Variants in ACACB observed in about 807,000 individuals in gnomAD.
ACACB encodes acetyl-CoA carboxylase 2.
In ACACB, 209 loss-of-function variants were observed where a neutral mutation model predicts 278.8. The ratio of observed to expected loss-of-function variants is 0.75; its 90% CI spans 0.67 to 0.84. The LOEUF (loss-of-function observed/expected upper bound fraction) is 0.84, where lower values mean the gene tolerates loss of function less well. ACACB is among the 40% of genes least tolerant of loss of function. ACACB has a pLI of 0.00. For missense variants in ACACB, 2,850 were observed against 3,269.0 expected, an observed-to-expected ratio of 0.87 and a Z score of 3.13; for synonymous variants, 1,174 against 1,285.6, an observed-to-expected ratio of 0.91 and a Z score of 1.86.
chr12:109,160,537 T>C (rs2043690557), intron 2 of ACACB, among the ~76,000 whole-genome samples: 1 of 152,214 alleles, frequency 6.6e-6, no homozygotes, highest in Non-Finnish European at 1.5e-5. Context: ...ACACCTCTGC[T>C]GTTGATTGTA....
At chr12:109,217,069 G>T in intron 24 of ACACB, 149 bp downstream of exon 24, 1 of 1,092,490 alleles carries the variant, frequency 9.2e-7, no homozygotes, top group Non-Finnish European at 1.3e-6. Flanking sequence ...ATCACTTGAG[G>T]TTAGGAGTTT....
intron 11 of ACACB, among the ~76,000 whole-genome samples, chr12:109,180,689 G>T (rs887996817): frequency 1.3e-5 from 2 of 152,082 alleles, no homozygotes; most frequent in Non-Finnish European, 2.9e-5. Flanking sequence ...CCAGGCTGGA[G>T]TGCAGTGGCG....
rs756522714 is a variant in ACACB at position 109,209,351 on chromosome 12, C to T, written c.3247C>T (p.Gln1083Ter). The change falls in exon 21 of 53, where the codon CAG (glutamine) becomes TAG (stop). Residue 1083 changes from glutamine (Q) to a stop codon, truncating the protein, a stop_gained and splice_region_variant. Coordinates refer to ENST00000338432, the MANE Select transcript of ACACB (RefSeq NM_001093.4). LOFTEE classifies it high-confidence loss of function. ...GGTGCTGTGCCAGTTCCCCAGCCAG[C>T]AGGTGCGTGCTCCCCTGCCCAGCCC... ...TSVLCQFPSQ[Q>*]IATILDCHAA... The T allele has an allele frequency of 1.2e-6, 2 of 1,608,156 alleles. No homozygotes were observed. The highest frequency in any genetic ancestry group is 1.7e-6 in the Non-Finnish European group (2 of 1,177,458).
intron 48 of ACACB, among the ~76,000 whole-genome samples, chr12:109,261,811 T>C (rs9788220): frequency 0.82 from 123,434 of 149,864 alleles, 50,873 homozygotes; most frequent in Admixed American, 0.86. Context: ...GCAGAGATTG[T>C]AGTGAACCGA....
chr12:109,181,599 A>T (rs1362696153), intron 11 of ACACB, among the ~76,000 whole-genome samples: 2 of 152,170 alleles, frequency 1.3e-5, no homozygotes, highest in Non-Finnish European at 2.9e-5. Context: ...GGCTATTGTG[A>T]ATAGTGCTAC....
chr12:109,190,965 A>G lies in ACACB; in HGVS notation c.2145-648A>G, dbSNP rs185367136. 8.5e-4 allele frequency among the ~76,000 whole-genome samples: 130 copies of G among 152,318 alleles called. 1 individual carries two copies. The East Asian group carries it at 0.025, about 29-fold the overall frequency. ...TAATCATTAACTATTATAGTCAATA[A>G]TTATAACAATAATAACTAATCACGT... On this transcript the variant is annotated intron_variant, in intron 13 of 52. Transcript: ENST00000338432.
intron 17 of ACACB, 124 bp from the exon 18 acceptor site, chr12:109,199,278 C>T: frequency 1.3e-6 from 1 of 788,342 alleles, no homozygotes; most frequent in Non-Finnish European, 1.8e-6. Context: ...CAACTGCCAC[C>T]CTTTGGGAAT....
intron 4 of ACACB, among the ~76,000 whole-genome samples, chr12:109,170,791 GT>G (rs1565884575): frequency 5.2e-4 from 70 of 135,526 alleles, no homozygotes; most frequent in African/African-American, 1.7e-3. Context: ...AATTTTGTGT[GT>G]GTTTTTTTTT....
intron 27 of ACACB, 29 bp downstream of exon 27, chr12:109,223,933 C>T (rs776985902): frequency 4.4e-6 from 7 of 1,580,636 alleles, no homozygotes; most frequent in South Asian, 2.2e-5. Context: ...GAGAACAGCA[C>T]TGACCATGCC....
intron 1 of ACACB, among the ~76,000 whole-genome samples, chr12:109,132,243 C>A (rs113078334): frequency 0.015 from 2,351 of 152,190 alleles, 76 homozygotes; most frequent in African/African-American, 0.054. Flanking sequence ...CAGCTCACTG[C>A]AACCTCTGCC....
intron 16 of ACACB, among the ~76,000 whole-genome samples, chr12:109,194,835 A>G (rs997487626): frequency 6.6e-6 from 1 of 151,994 alleles, no homozygotes; most frequent in Non-Finnish European, 1.5e-5. Context: ...ATATTATTCA[A>G]CCCCTATAGA....
chr12:109,261,409 G>C (rs965266462), intron 48 of ACACB, among the ~76,000 whole-genome samples: 2 of 152,146 alleles, frequency 1.3e-5, no homozygotes, highest in African/African-American at 4.8e-5. Flanking sequence ...GGACTGCTGA[G>C]GTCAGTCCTC....
chr12:109,177,486 C>T (rs548172920), intron 9 of ACACB, among the ~76,000 whole-genome samples: 29 of 152,256 alleles, frequency 1.9e-4, no homozygotes, highest in Non-Finnish European at 3.7e-4. Flanking sequence ...AATTATACCA[C>T]TCTTGGTATA....
intron 2 of ACACB, among the ~76,000 whole-genome samples, chr12:109,148,522 G>A (rs1054144363): frequency 2.6e-5 from 4 of 152,124 alleles, no homozygotes; most frequent in Non-Finnish European, 5.9e-5. Flanking sequence ...ATAAATTAGT[G>A]GTGAACTCAT....
At chr12:109,141,597 T>G (rs4766498) in intron 2 of ACACB, among the ~76,000 whole-genome samples, 22,284 of 152,260 alleles carry the variant, frequency 0.15, 1,987 homozygotes, top group East Asian at 0.25. Context: ...TTACTGGCTA[T>G]TCTTTTAAGC....
rs1359274833 is a variant in ACACB at position 109,116,637 on chromosome 12, C to T, written c.-77C>T. On this transcript the variant is annotated 5_prime_UTR_variant, in exon 1 of 53. Coordinates refer to ENST00000338432, the MANE Select transcript of ACACB (RefSeq NM_001093.4). ...TTCAGGCCCTCAGCAAACAAGGAACCTGGAAAATGTAACCCTGAATGCACG... is the reference window on the plus strand; with the variant it reads ...TTCAGGCCCTCAGCAAACAAGGAACTTGGAAAATGTAACCCTGAATGCACG... The T allele has an allele frequency of 6.6e-6, 1 of 152,184 alleles. No homozygotes were observed. Among genetic ancestry groups the T allele is most frequent in the Non-Finnish European group, 1.5e-5 (1 of 68,074 alleles). The allele number at this position is 152,184 out of a possible 1,614,324, so 9.4% of individuals were successfully genotyped here.
chr12:109,264,858 G>C (rs2047472299), intron 50 of ACACB, among the ~76,000 whole-genome samples: 1 of 152,202 alleles, frequency 6.6e-6, no homozygotes, highest in African/African-American at 2.4e-5. Context: ...TGTGTCGGTT[G>C]AGGTAGAAGT....
chr12:109,243,228 C>A (rs1050762112), intron 37 of ACACB, among the ~76,000 whole-genome samples: 44 of 152,162 alleles, frequency 2.9e-4, no homozygotes, highest in African/African-American at 9.7e-4. Context: ...ACTTACCAGG[C>A]ACCATTCGAA....
intron 11 of ACACB, among the ~76,000 whole-genome samples, chr12:109,181,840 C>T (rs199924432): frequency 8.6e-5 from 7 of 81,566 alleles, no homozygotes; most frequent in African/African-American, 1.5e-4. Flanking sequence ...TTTTCCTTTC[C>T]TTTTTTTTTT....
Sources: gnomAD v4.1 joint callset for allele counts (sites outside exome capture counted in the v4.1 genomes callset) on GRCh38, gnomAD v4.1.1 for gene constraint, MANE v1.5 for transcripts, NCBI Gene and HGNC (gene_info 2026-07-23, HGNC 2026-07-21) for gene names.